The following KIAA0825 variants were observed in gnomAD, a reference collection of about 807,000 sequenced individuals.
KIAA0825 encodes the protein uncharacterized protein KIAA0825.
In KIAA0825, 119 loss-of-function variants were observed where a neutral mutation model predicts 147.6. The ratio of observed to expected loss-of-function variants is 0.81; its 90% CI spans 0.69 to 0.94. The LOEUF is 0.94. KIAA0825 is among the 40% of genes least tolerant of loss of function. The pLI is 0.00. For missense variants in KIAA0825, 1,381 were observed against 1,472.7 expected (o/e 0.94, Z 1.02); for synonymous variants, 470 against 518.1 (o/e 0.91, Z 1.26).
At chr5:94,185,181 C>G (rs1306150553) in intron 20 of KIAA0825, among the ~76,000 whole-genome samples, 2 of 152,146 alleles carry the variant, frequency 1.3e-5, no homozygotes, top group African/African-American at 4.8e-5. Context: ...GTCACAGGAC[C>G]AAGCCCAGAG....
At chr5:94,312,766 TG>T (rs1349303141) in intron 20 of KIAA0825, among the ~76,000 whole-genome samples, 1 of 151,708 alleles carries the variant, frequency 6.6e-6, no homozygotes, top group Non-Finnish European at 1.5e-5. Flanking sequence ...ATTTTAAATG[TG>T]GCAAATTAAT....
chr5:94,154,615 C>T (rs1331089193), intron 20 of KIAA0825, among the ~76,000 whole-genome samples: 1 of 152,036 alleles, frequency 6.6e-6, no homozygotes, highest in East Asian at 1.9e-4. Context: ...GAAATAAGAT[C>T]AGATTTGAAG....
chr5:94,528,352 G>A (rs938433741), intron 3 of KIAA0825, among the ~76,000 whole-genome samples: 2 of 152,128 alleles, frequency 1.3e-5, no homozygotes, highest in Non-Finnish European at 2.9e-5. Context: ...TAGAGTTAGG[G>A]TCCTCTCTTG....
chr5:94,585,063 C>A (rs886781299), intron 1 of KIAA0825, among the ~76,000 whole-genome samples: 1 of 152,188 alleles, frequency 6.6e-6, no homozygotes, highest in Non-Finnish European at 1.5e-5. Flanking sequence ...AAAGGAACAA[C>A]TAGTACCAGC....
intron 16 of KIAA0825, among the ~76,000 whole-genome samples, chr5:94,403,323 A>G (rs1434575036): frequency 6.6e-6 from 1 of 152,168 alleles, no homozygotes; most frequent in Admixed American, 6.5e-5. Flanking sequence ...CTGAACACAA[A>G]ATATCACAGA....
intron 20 of KIAA0825, among the ~76,000 whole-genome samples, chr5:94,274,707 CA>C (rs565075539): frequency 1.4e-3 from 208 of 152,294 alleles, no homozygotes; most frequent in African/African-American, 4.7e-3. Flanking sequence ...GATAACAAAG[CA>C]GCAACGGATG....
chr5:94,555,595 A>G (rs1284100420), intron 2 of KIAA0825, among the ~76,000 whole-genome samples: 2 of 152,188 alleles, frequency 1.3e-5, no homozygotes, highest in Non-Finnish European at 2.9e-5. Context: ...AGAATACACT[A>G]TTGTAGCTTG....
intron 2 of KIAA0825, among the ~76,000 whole-genome samples, chr5:94,547,726 G>A (rs1291960670): frequency 1.5e-5 from 1 of 68,054 alleles, no homozygotes; most frequent in Non-Finnish European, 2.8e-5. Flanking sequence ...GACAGGGTAA[G>A]ACTCCCTTTC....
At chr5:94,484,684 A>T in intron 6 of KIAA0825, 85 bp downstream of exon 6, 1 of 889,170 alleles carries the variant, frequency 1.1e-6, no homozygotes, top group Non-Finnish European at 1.6e-6. Context: ...TGTTTTTTTC[A>T]AGTAATCGTT....
chr5:94,594,121 C>T, intron 1 of KIAA0825: 1 of 548,896 alleles, frequency 1.8e-6, no homozygotes, highest in East Asian at 5.1e-5. Context: ...TTTGGCCACA[C>T]TTGAATATTT....
At position 94,151,276 on chromosome 5, in the gene KIAA0825, G is replaced by C. The variant is rs1766460024; in HGVS notation, c.*2731C>G. Among the ~76,000 whole-genome samples the C allele has an allele frequency of 6.6e-6, 1 of 151,044 alleles. No individual in the cohort carries two copies. The highest frequency in any genetic ancestry group is 1.5e-5 in the Non-Finnish European group (1 of 67,662). ...ACTAAAAATACAAAAAAGTAGCCGGGCGCGGTGGCGGGCGCCTGTAGTCCC... is the reference window on the plus strand; with the variant it reads ...ACTAAAAATACAAAAAAGTAGCCGGCCGCGGTGGCGGGCGCCTGTAGTCCC... On this transcript the variant is annotated 3_prime_UTR_variant, in exon 21 of 21. Transcript: ENST00000682413.
chr5:94,560,893 C>T (rs370360231), intron 2 of KIAA0825, among the ~76,000 whole-genome samples: 12 of 152,202 alleles, frequency 7.9e-5, no homozygotes, highest in African/African-American at 2.2e-4. Flanking sequence ...GTTTTAACTC[C>T]TTTCCCCCTT....
intron 3 of KIAA0825, among the ~76,000 whole-genome samples, chr5:94,532,227 A>C (rs1369552015): frequency 1.3e-5 from 2 of 152,096 alleles, no homozygotes; most frequent in Non-Finnish European, 2.9e-5. Flanking sequence ...AGCTCACTGC[A>C]GTCTCCACCT....
At chr5:94,594,210 T>C (rs1451452674) in intron 1 of KIAA0825, 1 of 586,874 alleles carries the variant, frequency 1.7e-6, no homozygotes, top group Non-Finnish European at 3.4e-6. Flanking sequence ...TTTATCTTCA[T>C]CTCTAAGTGC....
chr5:94,165,803 A>G (rs1767979148), intron 20 of KIAA0825, among the ~76,000 whole-genome samples: 1 of 152,182 alleles, frequency 6.6e-6, no homozygotes, highest in South Asian at 2.1e-4. Context: ...TAAAAATCAA[A>G]ACAATTGAAC....
At chr5:94,213,382 G>A (rs985450461) in intron 20 of KIAA0825, among the ~76,000 whole-genome samples, 2 of 152,088 alleles carry the variant, frequency 1.3e-5, no homozygotes, top group African/African-American at 4.8e-5. Flanking sequence ...TAGAATGGCT[G>A]CAACAGTGAC....
At chr5:94,285,275 G>A (rs1460608061) in intron 20 of KIAA0825, among the ~76,000 whole-genome samples, 2 of 151,990 alleles carry the variant, frequency 1.3e-5, no homozygotes, top group Non-Finnish European at 2.9e-5. Context: ...AACAATGTCA[G>A]GCATGTAATG....
rs556385261 is a variant in KIAA0825 at position 94,278,894 on chromosome 5, T to C, written c.3710+105474A>G. 4.6e-5 allele frequency among the ~76,000 whole-genome samples: 7 copies of C among 152,242 alleles called. No individual in the cohort carries two copies. In the East Asian group the frequency reaches 1.4e-3, roughly 29 times the overall value. On this transcript the variant is annotated intron_variant, in intron 20 of 20. Coordinates refer to ENST00000682413, the MANE Select transcript of KIAA0825 (RefSeq NM_001145678.3). ...GGTCTCTTTATGGGAAGTCATTATG[T>C]AAATTACAGATTTCTCTCTCACCTT...
chr5:94,224,535 A>G (rs1465256363), intron 20 of KIAA0825, among the ~76,000 whole-genome samples: 2 of 152,210 alleles, frequency 1.3e-5, no homozygotes, highest in Non-Finnish European at 1.5e-5. Flanking sequence ...GAACGGTCCT[A>G]TGAATTCCTA....
Sources: gnomAD v4.1 joint callset for allele counts (sites outside exome capture counted in the v4.1 genomes callset) on GRCh38, gnomAD v4.1.1 for gene constraint, MANE v1.5 for transcripts, NCBI Gene and HGNC (gene_info 2026-07-23, HGNC 2026-07-21) for gene names.